MAF: variants seen among roughly 807,000 people sequenced by gnomAD.
MAF encodes transcription factor Maf.
In MAF, 10 loss-of-function variants were observed where a neutral mutation model predicts 22.0. The observed-to-expected ratio is 0.45, with a 90% CI of 0.28 to 0.77. MAF has a LOEUF of 0.77. MAF is among the 30% of genes least tolerant of loss of function. MAF has a pLI of 0.12. For synonymous variants in MAF, 337 were observed against 255.8 expected (o/e 1.32, Z -3.03); for missense variants, 544 against 548.4 (o/e 0.99, Z 0.08).
At chr16:79,441,458 T>C in the MAF span, among the ~76,000 whole-genome samples, 1 of 152,334 alleles carries the variant, frequency 6.6e-6, no homozygotes, top group East Asian at 1.9e-4. Flanking sequence ...AGCTCTGCTG[T>C]TGAAGTGTGA....
the MAF span, among the ~76,000 whole-genome samples, chr16:79,223,997 T>C: frequency 5.0e-4 from 76 of 152,248 alleles, no homozygotes; most frequent in African/African-American, 1.8e-3. Flanking sequence ...GGAATCCTCC[T>C]TAACTCATTT....
At chr16:79,372,127 T>C in the MAF span, among the ~76,000 whole-genome samples, 1 of 151,638 alleles carries the variant, frequency 6.6e-6, no homozygotes, top group Admixed American at 6.6e-5. Context: ...ATAATTTCCT[T>C]GTTACTAGAG....
intron 1 of MAF, chr16:79,597,898 T>G: frequency 9.6e-7 from 1 of 1,036,846 alleles, no homozygotes; most frequent in Non-Finnish European, 1.2e-6. Context: ...TAATAATGCA[T>G]GAGATGAGAA....
the MAF span, among the ~76,000 whole-genome samples, chr16:79,451,150 C>G: frequency 3.3e-5 from 5 of 152,228 alleles, no homozygotes; most frequent in Non-Finnish European, 7.3e-5. Context: ...GAAAATGCTA[C>G]CCACCACCTT....
At chr16:79,249,275 C>T in the MAF span, among the ~76,000 whole-genome samples, 24 of 152,114 alleles carry the variant, frequency 1.6e-4, no homozygotes, top group South Asian at 4.2e-4. Flanking sequence ...CAAAAGTAGC[C>T]GGATGTGGTG....
chr16:79,261,310 G>A, the MAF span, among the ~76,000 whole-genome samples: 3 of 151,584 alleles, frequency 2.0e-5, no homozygotes, highest in South Asian at 2.1e-4. Context: ...CTGCCACCAC[G>A]CCCAACTAAT....
chr16:79,515,029 C>T, the MAF span, among the ~76,000 whole-genome samples: 819 of 152,306 alleles, frequency 5.4e-3, 6 homozygotes, highest in Middle Eastern at 0.027. Flanking sequence ...CTGACAAAGA[C>T]TTCATCTCTT....
At chr16:79,492,460 C>T in the MAF span, among the ~76,000 whole-genome samples, 1 of 148,294 alleles carries the variant, frequency 6.7e-6, no homozygotes, top group Admixed American at 7.0e-5. Flanking sequence ...TACCCCAGCC[C>T]ATTTGTTCTA....
chr16:79,470,476 G>C, the MAF span, among the ~76,000 whole-genome samples: 1 of 152,172 alleles, frequency 6.6e-6, no homozygotes, highest in Non-Finnish European at 1.5e-5. Flanking sequence ...AAAAGGCCAT[G>C]TACCAGCCCC....
the MAF span, among the ~76,000 whole-genome samples, chr16:79,509,005 A>G: frequency 6.6e-6 from 1 of 152,216 alleles, no homozygotes; most frequent in Non-Finnish European, 1.5e-5. Context: ...CCAGATAATT[A>G]TATGTTAAGT....
intron 1 of MAF, chr16:79,586,012 T>G (rs975911689): frequency 3.2e-6 from 2 of 629,172 alleles, no homozygotes; most frequent in African/African-American, 3.7e-5. Context: ...AAGAACAGTA[T>G]GCTACAGGCA....
chr16:79,342,116 T>A, the MAF span, among the ~76,000 whole-genome samples: 1 of 152,344 alleles, frequency 6.6e-6, no homozygotes, highest in East Asian at 1.9e-4. Flanking sequence ...ATTTTGGGTA[T>A]GTAACACCGA....
At chr16:79,522,127 G>A in the MAF span, among the ~76,000 whole-genome samples, 1 of 152,134 alleles carries the variant, frequency 6.6e-6, no homozygotes, top group Non-Finnish European at 1.5e-5. Flanking sequence ...GAAACCATGA[G>A]ATTCAGAGGG....
At chr16:79,531,437 A>T in the MAF span, among the ~76,000 whole-genome samples, 1 of 152,046 alleles carries the variant, frequency 6.6e-6, no homozygotes, top group Admixed American at 6.5e-5. Flanking sequence ...ACATTACATT[A>T]TTGTGCATTT....
At chr16:79,495,184 A>T in the MAF span, among the ~76,000 whole-genome samples, 1 of 152,154 alleles carries the variant, frequency 6.6e-6, no homozygotes, top group South Asian at 2.1e-4. Context: ...AGATGTGGCC[A>T]AACTCGGTGG....
At chr16:79,473,287 C>G in the MAF span, among the ~76,000 whole-genome samples, 17 of 152,112 alleles carry the variant, frequency 1.1e-4, no homozygotes, top group Non-Finnish European at 2.2e-4. Context: ...TGGAGGAACT[C>G]TCTCAAGATG....
the MAF span, among the ~76,000 whole-genome samples, chr16:79,271,405 G>A: frequency 6.6e-6 from 1 of 152,184 alleles, no homozygotes; most frequent in Non-Finnish European, 1.5e-5. Context: ...ATTTGGTGCA[G>A]CTGCACAAAT....
chr16:79,211,056 T>TGTGTGC, the MAF span, among the ~76,000 whole-genome samples: 1 of 150,314 alleles, frequency 6.7e-6, no homozygotes, highest in African/African-American at 2.5e-5. Context: ...TGTGTGTGTG[T>TGTGTGC]GCATTAAATG....
chr16:79,358,538 G>C, the MAF span, among the ~76,000 whole-genome samples: 1 of 152,206 alleles, frequency 6.6e-6, no homozygotes, highest in South Asian at 2.1e-4. Flanking sequence ...GTAGATAGAG[G>C]AGCGTGGATG....
Sources: allele counts gnomAD v4.1 joint callset (sites outside exome capture counted in the v4.1 genomes callset), GRCh38; gene constraint gnomAD v4.1.1; transcripts MANE v1.5; gene names NCBI Gene and HGNC (gene_info 2026-07-23, HGNC 2026-07-21).